Variants in HSPB8 observed in about 807,000 individuals in gnomAD.
HSPB8 encodes heat shock protein family B (small) member 8.
In HSPB8, 9 loss-of-function variants were observed where a neutral mutation model predicts 16.5. The ratio of observed to expected loss-of-function variants is 0.55; its 90% CI spans 0.33 to 0.95. The LOEUF (loss-of-function observed/expected upper bound fraction) is 0.95, where lower values mean the gene tolerates loss of function less well. Ranked by LOEUF, HSPB8 falls within the 40% of genes least tolerant of loss-of-function variation. HSPB8 has a pLI of 0.03. For missense variants in HSPB8, 238 were observed against 251.2 expected (o/e 0.95, Z 0.35); for synonymous variants, 99 against 94.8 (o/e 1.04, Z -0.26).
Position 119,179,601 on chromosome 12 carries a change from A to G in HSPB8, c.289A>G (p.Lys97Glu), listed in dbSNP as rs1174395251. 2 of 1,609,530 alleles carry G rather than the reference A, an allele frequency of 1.2e-6. No homozygotes were observed. Among genetic ancestry groups the G allele is most frequent in the Non-Finnish European group, 1.7e-6 (2 of 1,177,584 alleles). ...TPPPFPGEPW[K>E]VCVNVHSFKP... ...CCCACCCTTCCCTGGGGAGCCCTGG[A>G]AAGTGTGTGTGAATGTGCACAGCTT... The change falls in exon 1 of 3, where the codon AAA becomes GAA. Residue 97 changes from lysine (K) to glutamate (E), a missense_variant. Lys to Glu is a moderately conservative substitution (Grantham distance 56). Coordinates refer to ENST00000281938, the MANE Select transcript of HSPB8 (RefSeq NM_014365.3).
At chr12:119,188,896 T>C (rs187837413) in intron 2 of HSPB8, among the ~76,000 whole-genome samples, 2 of 152,354 alleles carry the variant, frequency 1.3e-5, no homozygotes, top group Non-Finnish European at 2.9e-5. Context: ...CTCTTAACTT[T>C]TCCATCAGCC....
chr12:119,186,903 C>G (rs573827619), intron 1 of HSPB8, 122 bp from the exon 2 acceptor site: 13 of 889,282 alleles, frequency 1.5e-5, no homozygotes, highest in Non-Finnish European at 2.3e-5. Context: ...ACTAGAGTCT[C>G]TAGGGTAGGC....
At chr12:119,191,599 G>GAAAAA (rs5801319) in intron 2 of HSPB8, among the ~76,000 whole-genome samples, 1 of 145,128 alleles carries the variant, frequency 6.9e-6, no homozygotes, top group African/African-American at 2.5e-5. Flanking sequence ...AAGAAAGAAA[G>GAAAAA]AAAAAAAAAA....
chr12:119,193,683 CGT>C lies in HSPB8; in HGVS notation c.432-11_432-10del. Reference sequence around the variant, plus strand: ...ATTAACAACAATAAATGAATAAAATCGTGTGTTTCTCCTAGGCTTCCTGCAGA... The same window carrying C: ...ATTAACAACAATAAATGAATAAAATCGTGTTTCTCCTAGGCTTCCTGCAGA... On this transcript the variant is annotated splice_polypyrimidine_tract_variant and intron_variant, in intron 2 of 2. Transcript: ENST00000281938. 2 of 1,612,882 alleles carry C rather than the reference CGT, an allele frequency of 1.2e-6. No homozygotes were observed. The highest frequency in any genetic ancestry group is 1.7e-5 in the Admixed American group (1 of 60,018).
At chr12:119,182,448 G>C (rs905168838) in intron 1 of HSPB8, among the ~76,000 whole-genome samples, 2 of 152,080 alleles carry the variant, frequency 1.3e-5, no homozygotes, top group Admixed American at 1.3e-4. Context: ...AGACCAGTCT[G>C]GTCAACATGG....
At chr12:119,193,631 A>G in intron 2 of HSPB8, 68 bp from the exon 3 acceptor site, 1 of 1,541,110 alleles carries the variant, frequency 6.5e-7, no homozygotes, top group Non-Finnish European at 9.0e-7. Flanking sequence ...ATTTCCTCTC[A>G]AGTGAATAAA....
chr12:119,188,435 C>T (rs749978175), intron 2 of HSPB8, among the ~76,000 whole-genome samples: 4 of 151,742 alleles, frequency 2.6e-5, no homozygotes, highest in Admixed American at 6.6e-5. Context: ...TTAGTAGAGA[C>T]GGGGTTTCAC....
chr12:119,187,326 G>A (rs956668642), intron 2 of HSPB8, among the ~76,000 whole-genome samples: 2 of 152,032 alleles, frequency 1.3e-5, no homozygotes, highest in Non-Finnish European at 2.9e-5. Flanking sequence ...TGTGAGGTGG[G>A]TATTAAAAAC....
chr12:119,183,283 A>T (rs1954651068), intron 1 of HSPB8: 1 of 152,196 alleles, frequency 6.6e-6, no homozygotes, highest in Non-Finnish European at 1.5e-5. Context: ...TGGACTAGAC[A>T]ATTTCCAGCA....
chr12:119,194,705 TTAA>T lies in HSPB8; in HGVS notation c.*869_*871del, dbSNP rs60924821. Reference sequence around the variant, plus strand: ...TTTAGGGGTAAATAACAGTAAATAATTAATAATAATAATAATAATAATAAAGGA... The same window carrying T: ...TTTAGGGGTAAATAACAGTAAATAATTAATAATAATAATAATAATAAAGGA... On this transcript the variant is annotated 3_prime_UTR_variant, in exon 3 of 3. Transcript: ENST00000281938. The T allele has an allele frequency of 0.024, 6,877 of 287,412 alleles. 487 individuals carry two copies. Among genetic ancestry groups the T allele is most frequent in the African/African-American group, 0.14 (6,332 of 45,546 alleles). The allele number at this position is 287,412 out of a possible 1,614,324, so 17.8% of individuals were successfully genotyped here.
intron 2 of HSPB8, among the ~76,000 whole-genome samples, chr12:119,190,221 C>G (rs1954704257): frequency 6.6e-6 from 1 of 152,168 alleles, no homozygotes; most frequent in Non-Finnish European, 1.5e-5. Context: ...CTCCTGGGAG[C>G]TCCTGGCTCT....
At chr12:119,185,318 A>C (rs184686378) in intron 1 of HSPB8, among the ~76,000 whole-genome samples, 3 of 151,076 alleles carry the variant, frequency 2.0e-5, no homozygotes, top group Admixed American at 2.0e-4. Context: ...TCACACCTGG[A>C]TAATAATAAT....
At chr12:119,185,681 C>A (rs915875272) in intron 1 of HSPB8, among the ~76,000 whole-genome samples, 7 of 151,958 alleles carry the variant, frequency 4.6e-5, no homozygotes, top group African/African-American at 1.7e-4. Flanking sequence ...TCTATGTTGT[C>A]CAGGCTGGTC....
intron 2 of HSPB8, among the ~76,000 whole-genome samples, chr12:119,187,754 G>A (rs911121477): frequency 1.3e-5 from 2 of 152,146 alleles, no homozygotes; most frequent in Non-Finnish European, 2.9e-5. Flanking sequence ...AGCTGAGGGA[G>A]GACCCCTGTC....
rs1036013863 is a variant in HSPB8, at chr12:119,181,641, T to C, written c.367+1962T>C. ...GTATTATTATTGTCGTCGTTATTGT[T>C]ATAGTGTCAGGCATCCAGGAAGGCC... On this transcript the variant is annotated intron_variant, in intron 1 of 2. Transcript: ENST00000281938. Among the ~76,000 whole-genome samples, 6 of 152,172 alleles carry C rather than the reference T, an allele frequency of 3.9e-5. No individual in the cohort carries two copies. The East Asian group carries it at 1.2e-3, about 29-fold the overall frequency.
At chr12:119,189,191 G>A (rs568917263) in intron 2 of HSPB8, among the ~76,000 whole-genome samples, 1 of 152,120 alleles carries the variant, frequency 6.6e-6, no homozygotes, top group East Asian at 1.9e-4. Context: ...GGCAGGGGGT[G>A]GGGGGAAGCT....
intron 1 of HSPB8, among the ~76,000 whole-genome samples, chr12:119,186,242 G>T (rs1306049825): frequency 6.6e-6 from 1 of 152,238 alleles, no homozygotes; most frequent in Non-Finnish European, 1.5e-5. Flanking sequence ...GAGAGGTCTG[G>T]TGGAATTTCA....
Position 119,194,093 on chromosome 12 carries a change from A to G in HSPB8, c.*235A>G. On this transcript the variant is annotated 3_prime_UTR_variant, in exon 3 of 3. Transcript: ENST00000281938. Reference sequence around the variant, plus strand: ...CCAAAATACTAGTTTTGCTTTCTTTACCTTTTCTATCTTGATGAAAATGTT... The same window carrying G: ...CCAAAATACTAGTTTTGCTTTCTTTGCCTTTTCTATCTTGATGAAAATGTT... The G allele has an allele frequency of 1.8e-6, 1 of 568,578 alleles. No homozygotes were observed. The allele number at this position is 568,578 out of a possible 1,614,324, so 35.2% of individuals were successfully genotyped here. A position where few individuals can be genotyped will look rare whatever the true frequency, so the allele number is the denominator to read the frequency against.
rs1039998051 is a variant in HSPB8 at position 119,179,197 on chromosome 12, A to G, written c.-116A>G. The G allele has an allele frequency of 6.5e-6, 7 of 1,084,598 alleles. No individual in the cohort carries two copies. The highest frequency in any genetic ancestry group is 4.6e-5 in the African/African-American group (3 of 64,586). The allele number at this position is 1,084,598 out of a possible 1,614,324, so 67.2% of individuals were successfully genotyped here. A position where few individuals can be genotyped will look rare whatever the true frequency, so the allele number is the denominator to read the frequency against. ...GTTCTGCTTCTCCCTGCAGAAAAGC[A>G]GCATTTTCGGAAGCTGAAGAATAAG... is the stretch of plus-strand genomic sequence containing the variant. On this transcript the variant is annotated 5_prime_UTR_variant, in exon 1 of 3. Transcript: ENST00000281938.
Sources: allele counts gnomAD v4.1 joint callset (sites outside exome capture counted in the v4.1 genomes callset), GRCh38; gene constraint gnomAD v4.1.1; transcripts MANE v1.5; gene names NCBI Gene and HGNC (gene_info 2026-07-23, HGNC 2026-07-21).